The following UGT2A3 variants were observed in gnomAD, a reference collection of about 807,000 sequenced individuals.
UGT2A3 encodes UDP glucuronosyltransferase family 2 member A3.
A neutral mutation model predicts 44.1 loss-of-function variants in UGT2A3; 55 were observed. That is an observed-to-expected ratio of 1.25 (90% confidence interval 1.00 to 1.56). The LOEUF (loss-of-function observed/expected upper bound fraction) is 1.56, where lower values mean the gene tolerates loss of function less well. Ranked by LOEUF, UGT2A3 falls within the 40% of genes most tolerant of loss-of-function variation. The probability of loss-of-function intolerance (pLI) is 0.00; values close to 1 mark genes in which losing one functional copy is unlikely to be tolerated. For synonymous variants in UGT2A3, 243 were observed against 215.1 expected (o/e 1.13, Z -1.13); for missense variants, 733 against 621.6 (o/e 1.18, Z -1.91).
intron 1 of UGT2A3, among the ~76,000 whole-genome samples, chr4:68,949,222 T>A (rs934374674): frequency 6.6e-6 from 1 of 151,818 alleles, no homozygotes; most frequent in African/African-American, 2.4e-5. Context: ...ATATCTAAAC[T>A]ATAGTACTCA....
Position 68,951,346 on chromosome 4 carries a change from G to A in UGT2A3, c.415C>T (p.Gln139Ter). 6.2e-7 allele frequency: 1 copy of A among 1,612,676 alleles called. No individual in the cohort carries two copies. Among genetic ancestry groups the A allele is most frequent in the Non-Finnish European group, 8.5e-7 (1 of 1,179,242 alleles). Residue 139 changes from glutamine (Q) to a stop codon, truncating the protein, a stop_gained, in exon 1 of 6, where the codon CAG (glutamine) becomes TAG (stop). Transcript: ENST00000251566. LOFTEE classifies it high-confidence loss of function. Reference sequence around the variant, plus strand: ...AGCATTACATCGTAGTTGGTTTCCTGTAGCTTCTTCATAAGCGTCTGATTG... The same window carrying A: ...AGCATTACATCGTAGTTGGTTTCCTATAGCTTCTTCATAAGCGTCTGATTG... ...IYNQTLMKKL[Q>*]ETNYDVMLID... is the part of the protein sequence containing the mutation.
intron 2 of UGT2A3, among the ~76,000 whole-genome samples, chr4:68,934,724 C>G (rs970432759): frequency 2.2e-5 from 3 of 137,940 alleles, no homozygotes; most frequent in African/African-American, 5.3e-5. Context: ...ATTAGCCAGT[C>G]TTGATGGTGT....
At chr4:68,945,516 A>T in intron 1 of UGT2A3, 62 bp from the exon 2 acceptor site, 1 of 1,426,904 alleles carries the variant, frequency 7.0e-7, no homozygotes, top group East Asian at 2.4e-5. Flanking sequence ...TGTATCACTA[A>T]TTTTTCAGTA....
chr4:68,936,868 T>C (rs756540320), intron 2 of UGT2A3, among the ~76,000 whole-genome samples: 5 of 103,722 alleles, frequency 4.8e-5, no homozygotes, highest in Non-Finnish European at 9.3e-5. Flanking sequence ...TAAAGGAAGA[T>C]CTACAAAGTA....
chr4:68,945,317 C>A lies in UGT2A3; in HGVS notation c.853G>T (p.Ala285Ser). Residue 285 changes from alanine (A) to serine (S), a missense_variant, in exon 2 of 6, where the codon GCT becomes TCT. Physicochemically the swap from Ala to Ser is moderately conservative, Grantham distance 99. Transcript: ENST00000251566. ...VGGLHCKPAK[A>S]LPKEMENFVQ... ...TACAATAGTCCTACCTTAGGCAAAG[C>A]TTTGGCAGGTTTACAGTGCAATCCT... 6.2e-7 allele frequency: 1 copy of A among 1,611,156 alleles called. No homozygotes were observed. The highest frequency in any genetic ancestry group is 8.5e-7 in the Non-Finnish European group (1 of 1,178,306).
At chr4:68,942,316 AAT>A (rs200817541) in intron 2 of UGT2A3, among the ~76,000 whole-genome samples, 10 of 138,988 alleles carry the variant, frequency 7.2e-5, no homozygotes, top group Admixed American at 6.1e-4. Context: ...CACATTTGAA[AAT>A]ATCTCTCTCT....
rs1212866372 is a variant in UGT2A3 at position 68,929,116 on chromosome 4, C to G, written c.*697G>C. 1 of 151,914 alleles carries G rather than the reference C, an allele frequency of 6.6e-6. No individual in the cohort carries two copies. Among genetic ancestry groups the G allele is most frequent in the South Asian group, 2.1e-4 (1 of 4,822 alleles). 9.4% of individuals were successfully genotyped at this position (151,914 alleles called of 1,614,324 possible). A position where few individuals can be genotyped will look rare whatever the true frequency, so the allele number is the denominator to read the frequency against. On this transcript the variant is annotated 3_prime_UTR_variant, in exon 6 of 6. Coordinates refer to ENST00000251566, the MANE Select transcript of UGT2A3 (RefSeq NM_024743.4). ...CTTGAATATCTTACTGACATGTTCT[C>G]TATGTGAGAAAAAAAATAGTTTCTT...
chr4:68,933,837 C>T (rs774491241), intron 2 of UGT2A3, among the ~76,000 whole-genome samples: 2 of 151,966 alleles, frequency 1.3e-5, no homozygotes, highest in Admixed American at 6.6e-5. Context: ...GACAGGAAAA[C>T]AACAGCATGG....
chr4:68,934,626 T>C (rs1288703542), intron 2 of UGT2A3, among the ~76,000 whole-genome samples: 1 of 151,904 alleles, frequency 6.6e-6, no homozygotes, highest in Non-Finnish European at 1.5e-5. Flanking sequence ...AAACCCAGCA[T>C]TTTCAGAGAC....
chr4:68,933,044 A>T (rs1177770508), intron 2 of UGT2A3, among the ~76,000 whole-genome samples: 1 of 152,086 alleles, frequency 6.6e-6, no homozygotes, highest in African/African-American at 2.4e-5. Context: ...TGTGTCACGT[A>T]GACACAAAAT....
In UGT2A3 at chr4:68,951,725, G is replaced by C; in HGVS notation, c.36C>G (p.Leu12=). ...RSDKSALVFL[L]LQLFCVGCGF... ...CACAGCCAACACAGAAGAGCTGCAG[G>C]AGCAGAAATACCAAAGCTGACTTGT... The change falls in exon 1 of 6, where the codon CTC becomes CTG. Residue 12 remains leucine, a synonymous_variant. Coordinates refer to ENST00000251566, the MANE Select transcript of UGT2A3 (RefSeq NM_024743.4). 1 of 1,604,044 alleles carries C rather than the reference G, an allele frequency of 6.2e-7. No homozygotes were observed.
At chr4:68,932,419 T>A (rs1717769783) in intron 3 of UGT2A3, among the ~76,000 whole-genome samples, 1 of 151,998 alleles carries the variant, frequency 6.6e-6, no homozygotes, top group Non-Finnish European at 1.5e-5. Context: ...ATCTATTTTA[T>A]TATAAACAAA....
chr4:68,945,173 G>T (rs2109792756), intron 2 of UGT2A3, 133 bp downstream of exon 2: 2 of 962,210 alleles, frequency 2.1e-6, no homozygotes, highest in South Asian at 1.6e-5. Context: ...AGCCCCTGTG[G>T]CATGGAAAAT....
intron 2 of UGT2A3, among the ~76,000 whole-genome samples, chr4:68,935,339 A>G (rs1487143908): frequency 7.1e-6 from 1 of 141,618 alleles, no homozygotes; most frequent in Non-Finnish European, 1.5e-5. Context: ...TTGCTTCCAG[A>G]GGAAGAATCC....
At position 68,951,605 on chromosome 4, in the gene UGT2A3, C is replaced by G; in HGVS notation, c.156G>C (p.Glu52Asp). The part of the protein sequence containing the change: ...ILEELIVRGH[E>D]VTVLTHSKPS... ...GCTTTGAGTGAGTCAATACTGTTAC[C>G]TCATGGCCTCTCACTATGAGCTCTT... Residue 52 changes from glutamate to aspartate, a missense_variant, in exon 1 of 6, where the codon GAG becomes GAC. Coordinates refer to ENST00000251566, the MANE Select transcript of UGT2A3 (RefSeq NM_024743.4). The G allele has an allele frequency of 6.2e-7, 1 of 1,612,846 alleles. No homozygotes were observed. The highest frequency in any genetic ancestry group is 8.5e-7 in the Non-Finnish European group (1 of 1,179,428).
Position 68,932,764 on chromosome 4 carries a change from A to C in UGT2A3, c.865-5T>G, listed in dbSNP as rs1717783482. The stretch of plus-strand genomic sequence containing the variant: ...CTGGACAAAATTTTCCATTTCCTGA[A>C]GATAAAAATTTATCTGCATTACAGA... On this transcript the variant is annotated splice_region_variant and splice_polypyrimidine_tract_variant and intron_variant, in intron 2 of 5. Transcript: ENST00000251566. 2 of 1,606,338 alleles carry C rather than the reference A, an allele frequency of 1.2e-6. No individual in the cohort carries two copies. Among genetic ancestry groups the C allele is most frequent in the Admixed American group, 3.4e-5 (2 of 58,402 alleles).
rs535429270 is a variant in UGT2A3 at position 68,940,132 on chromosome 4, C to A, written c.864+5174G>T. The stretch of plus-strand genomic sequence containing the variant: ...AAATTAGTTCAACCATTGTGGAAGA[C>A]AGTGTGGGGATTCCTCAAGGATCTA... On this transcript the variant is annotated intron_variant, in intron 2 of 5. Coordinates refer to ENST00000251566, the MANE Select transcript of UGT2A3 (RefSeq NM_024743.4). 2.6e-5 allele frequency among the ~76,000 whole-genome samples: 4 copies of A among 152,232 alleles called. 1 individual carries two copies. In the East Asian group the frequency reaches 7.7e-4, roughly 29 times the overall value.
intron 2 of UGT2A3, among the ~76,000 whole-genome samples, chr4:68,944,821 C>T (rs1718322767): frequency 6.6e-6 from 1 of 151,744 alleles, no homozygotes; most frequent in Non-Finnish European, 1.5e-5. Flanking sequence ...TATCATTAAA[C>T]ACTTAAACTT....
chr4:68,935,793 G>A (rs189273073), intron 2 of UGT2A3, among the ~76,000 whole-genome samples: 7 of 152,108 alleles, frequency 4.6e-5, no homozygotes, highest in East Asian at 1.9e-4. Context: ...CTAACCCATC[G>A]CAAGGAAGAC....
Sources: gnomAD v4.1 joint callset for allele counts (sites outside exome capture counted in the v4.1 genomes callset) on GRCh38, gnomAD v4.1.1 for gene constraint, MANE v1.5 for transcripts, NCBI Gene and HGNC (gene_info 2026-07-23, HGNC 2026-07-21) for gene names.